NCOR2: variants seen among roughly 807,000 people sequenced by gnomAD.
The protein encoded by NCOR2 is CTG repeat protein 26.
NCOR2 carries 81 observed loss-of-function variants against 262.9 expected under a neutral mutation model. The ratio of observed to expected loss-of-function variants is 0.31; its 90% CI spans 0.26 to 0.37. The LOEUF (loss-of-function observed/expected upper bound fraction) is 0.37, where lower values mean the gene tolerates loss of function less well. Among genes scored for constraint, NCOR2 ranks in the 10% least tolerant of loss-of-function variants. The pLI, the probability that NCOR2 is intolerant of heterozygous loss-of-function variation, is 1.00. For missense variants in NCOR2, 3,385 were observed against 3,621.4 expected, an observed-to-expected ratio of 0.93 and a Z score of 1.68; for synonymous variants, 1,659 against 1,559.3, an observed-to-expected ratio of 1.06 and a Z score of -1.51.
chr12:124,373,552 CGCAGGGGCCCCGGGCACAG>C (rs2039709906), intron 19 of NCOR2, among the ~76,000 whole-genome samples: 1 of 95,892 alleles, frequency 1.0e-5, no homozygotes, highest in African/African-American at 5.1e-5. Flanking sequence ...CCAGTGCGTG[CGCAGGGGCCCCGGGCACAG>C]TGGGCAGTGA....
chr12:124,358,118 T>G (rs1468702982), intron 22 of NCOR2, among the ~76,000 whole-genome samples: 1 of 144,490 alleles, frequency 6.9e-6, no homozygotes, highest in Admixed American at 6.9e-5. Context: ...TGCGTGCGTG[T>G]GAGTGCATGG....
At chr12:124,366,608 G>A (rs967494397) in intron 20 of NCOR2, among the ~76,000 whole-genome samples, 13 of 152,224 alleles carry the variant, frequency 8.5e-5, no homozygotes, top group South Asian at 4.2e-4. Flanking sequence ...CTGGGCTCAC[G>A]CAATCCTCCC....
intron 10 of NCOR2, 76 bp from the exon 13 acceptor site, chr12:124,426,876 C>T: frequency 7.2e-7 from 1 of 1,396,178 alleles, no homozygotes; most frequent in Non-Finnish European, 9.6e-7. Context: ...CCAGGGAAGA[C>T]ACAGAGGGGA....
intron 24 of NCOR2, 189 bp downstream of exon 26, chr12:124,355,243 G>A (rs1593185156): frequency 1.5e-6 from 1 of 684,012 alleles, no homozygotes; most frequent in East Asian, 2.7e-5. Flanking sequence ...CTGCAATACA[G>A]AGTGACCCCC....
chr12:124,461,604 CAT>C (rs774154781), intron 5 of NCOR2, among the ~76,000 whole-genome samples: 111 of 152,364 alleles, frequency 7.3e-4, no homozygotes, highest in Non-Finnish European at 2.6e-4. Flanking sequence ...GACATACACA[CAT>C]GTCCACACAC....
rs551082569 is a variant in NCOR2 at position 124,479,261 on chromosome 12, AAC to A, written c.411+4333_411+4334del. On this transcript the variant is annotated intron_variant, in intron 3 of 46. Coordinates refer to ENST00000405201, the Ensembl canonical transcript of NCOR2. ...GCACATGCACACACACGCACACACA[AAC>A]ACACGCACACATGCATATACACACA... Among the ~76,000 whole-genome samples the A allele has an allele frequency of 1.5e-3, 215 of 145,378 alleles. 2 individuals are homozygous for A. Among genetic ancestry groups the A allele is most frequent in the African/African-American group, 5.3e-3 (207 of 39,168 alleles).
In NCOR2 at chr12:124,526,152, G is replaced by C. The variant is rs138499748; in HGVS notation, c.-118+9413C>G. 3.0e-3 allele frequency among the ~76,000 whole-genome samples: 453 copies of C among 152,216 alleles called. 1 individual carries two copies. The highest frequency in any genetic ancestry group is 0.017 in the Middle Eastern group (5 of 294). On this transcript the variant is annotated intron_variant, in intron 1 of 46. Transcript: ENST00000404621. ...AATGTGAGTGTTCCAGCTCCTCCAGGCAGCCTCCTTGGATTGCTCCAACCC... is the reference window on the plus strand; with the variant it reads ...AATGTGAGTGTTCCAGCTCCTCCAGCCAGCCTCCTTGGATTGCTCCAACCC...
At chr12:124,537,424 C>T (rs994157053), upstream of NCOR2, among the ~76,000 whole-genome samples, 3 of 152,224 alleles carry the variant, frequency 2.0e-5, no homozygotes, top group Non-Finnish European at 4.4e-5. Flanking sequence ...CACAAGGGAG[C>T]AGCTGTGTGC....
chr12:124,495,048 T>A lies in NCOR2; in HGVS notation c.105+99A>T. ...CTGCCCTGGGAGGCTCAGAGCCACA[T>A]GAGCCTGGCTCCCAGGAGAAAGGAA... On this transcript the variant is annotated intron_variant, in intron 1 of 46. Transcript: ENST00000405201. This position sits in a 1 kb window ranked among gnomAD's most constrained non-coding sequence, Gnocchi z 4.4. The A allele has an allele frequency of 6.8e-7, 1 of 1,462,080 alleles. No homozygotes were observed. Among genetic ancestry groups the A allele is most frequent in the South Asian group, 1.3e-5 (1 of 79,784 alleles). The allele number at this position is 1,462,080 out of a possible 1,614,324, so 90.6% of individuals were successfully genotyped here.
At chr12:124,327,492 G>C in exon 45 of NCOR2, 1 of 1,613,754 alleles carries the variant, frequency 6.2e-7, no homozygotes, top group Non-Finnish European at 8.5e-7. Flanking sequence ...GGCATTCAGA[G>C]GGTTAAAAGC....
intron 22 of NCOR2, among the ~76,000 whole-genome samples, chr12:124,357,292 C>T (rs1308809858): frequency 1.3e-5 from 2 of 152,124 alleles, no homozygotes; most frequent in Admixed American, 1.3e-4. Flanking sequence ...GGAATACAGG[C>T]GCCCACCACC....
intron 13 of NCOR2, among the ~76,000 whole-genome samples, chr12:124,419,696 C>T (rs543586699): frequency 3.3e-5 from 5 of 152,340 alleles, no homozygotes; most frequent in East Asian, 1.9e-4. Context: ...GCTGAGGAGG[C>T]CCGTGGCTGT....
At chr12:124,363,287 G>A (rs2038762972) in intron 21 of NCOR2, among the ~76,000 whole-genome samples, 1 of 152,238 alleles carries the variant, frequency 6.6e-6, no homozygotes. Context: ...ACCCAGCTGA[G>A]AGAACCTTCC....
chr12:124,351,202 G>T (rs540426003), intron 27 of NCOR2, among the ~76,000 whole-genome samples: 1 of 152,150 alleles, frequency 6.6e-6, no homozygotes, highest in Non-Finnish European at 1.5e-5. Context: ...TACCGAAAAC[G>T]GTAACTGGCG....
At chr12:124,328,679 G>A (rs916133930) in intron 44 of NCOR2, 1 of 156,630 alleles carries the variant, frequency 6.4e-6, no homozygotes, top group Non-Finnish European at 1.4e-5. Context: ...CGGGGCAAGT[G>A]TTTCATGGAG....
At chr12:124,445,603 G>A (rs2045113668) in intron 7 of NCOR2, among the ~76,000 whole-genome samples, 1 of 152,146 alleles carries the variant, frequency 6.6e-6, no homozygotes, top group African/African-American at 2.4e-5. Flanking sequence ...CGGGGGCGAG[G>A]AGGCCGTGAG....
At chr12:124,516,739 C>T (rs1337829757) in intron 1 of NCOR2, among the ~76,000 whole-genome samples, 1 of 151,450 alleles carries the variant, frequency 6.6e-6, no homozygotes, top group Non-Finnish European at 1.5e-5. Context: ...GAACCTCAGT[C>T]CGGCCACTAC....
At chr12:124,368,639 C>A (rs1202585565) in intron 20 of NCOR2, among the ~76,000 whole-genome samples, 1 of 152,226 alleles carries the variant, frequency 6.6e-6, no homozygotes, top group Non-Finnish European at 1.5e-5. Flanking sequence ...AGGGCCTTTG[C>A]ACTGGTGGTT....
chr12:124,467,714 A>ATCC (rs1365498568), intron 4 of NCOR2, among the ~76,000 whole-genome samples: 1 of 115,686 alleles, frequency 8.6e-6, no homozygotes, highest in Non-Finnish European at 1.8e-5. Context: ...CACCCTCATC[A>ATCC]TCCTCATCAC....
Sources: allele counts gnomAD v4.1 joint callset (sites outside exome capture counted in the v4.1 genomes callset), GRCh38; gene constraint gnomAD v4.1.1; non-coding constraint Gnocchi (gnomAD v3.1); transcripts MANE v1.5; gene names NCBI Gene and HGNC (gene_info 2026-07-23, HGNC 2026-07-21).